The following MAP3K2 variants were observed in gnomAD, a reference collection of about 807,000 sequenced individuals.
MAP3K2 encodes the protein mitogen-activated protein kinase kinase kinase 2, also known as MAP/ERK kinase kinase 2.
MAP3K2 carries 24 observed loss-of-function variants against 80.3 expected under a neutral mutation model. The ratio of observed to expected loss-of-function variants is 0.30; its 90% confidence interval spans 0.22 to 0.42. The LOEUF (loss-of-function observed/expected upper bound fraction) is 0.42, where lower values mean the gene tolerates loss of function less well. Among genes scored for constraint, MAP3K2 ranks in the 10% least tolerant of loss-of-function variants. The probability of loss-of-function intolerance (pLI) is 1.00; values close to 1 mark genes in which losing one functional copy is unlikely to be tolerated. For missense variants in MAP3K2, 608 were observed against 750.1 expected, an observed-to-expected ratio of 0.81 and a Z score of 2.21; for synonymous variants, 244 against 253.7, an observed-to-expected ratio of 0.96 and a Z score of 0.36.
chr2:127,388,232 C>A (rs112721080), upstream of MAP3K2: 15 of 864,496 alleles, frequency 1.7e-5, no homozygotes, highest in African/African-American at 3.6e-4. Flanking sequence ...GTTCCGTGTG[C>A]GCGGCGCATA....
intron 4 of MAP3K2, among the ~76,000 whole-genome samples, chr2:127,337,283 GC>G (rs1686392675): frequency 6.6e-6 from 1 of 152,110 alleles, no homozygotes; most frequent in Admixed American, 6.5e-5. Context: ...ATAATTTGCA[GC>G]CACTAGTCCA....
chr2:127,351,948 C>T (rs541661641), intron 1 of MAP3K2, among the ~76,000 whole-genome samples: 1 of 152,032 alleles, frequency 6.6e-6, no homozygotes, highest in African/African-American at 2.4e-5. Context: ...ACAATCATGG[C>T]TCGCTGCAGC....
intron 1 of MAP3K2, among the ~76,000 whole-genome samples, chr2:127,383,999 G>A (rs925011242): frequency 4.0e-5 from 6 of 150,654 alleles, no homozygotes; most frequent in Non-Finnish European, 5.9e-5. Flanking sequence ...TCAGCCTCCC[G>A]AGTAGCTGGG....
rs577801926 is a variant in MAP3K2, at chr2:127,387,909, G to A, written c.-523C>T. ...CCCGAACGCTGCGCCCAGCGGCCGC[G>A]GCACCCTCGTCAGGCGCCGCCGCTG... On this transcript the variant is annotated 5_prime_UTR_variant, in exon 1 of 17. Transcript: ENST00000682094. 18 of 982,136 alleles carry A rather than the reference G, an allele frequency of 1.8e-5. 1 individual carries two copies. The African/African-American group carries it at 2.8e-4, about 15-fold the overall frequency. The allele number at this position is 982,136 out of a possible 1,614,324, so 60.8% of individuals were successfully genotyped here. A position where few individuals can be genotyped will look rare whatever the true frequency, so the allele number is the denominator to read the frequency against.
chr2:127,374,293 C>G (rs1446278722), intron 1 of MAP3K2, among the ~76,000 whole-genome samples: 1 of 152,164 alleles, frequency 6.6e-6, no homozygotes, highest in Non-Finnish European at 1.5e-5. Flanking sequence ...TCTCCGACTT[C>G]AGCAACTGCT....
At chr2:127,345,206 T>C (rs1312945187) in intron 1 of MAP3K2, among the ~76,000 whole-genome samples, 1 of 152,104 alleles carries the variant, frequency 6.6e-6, no homozygotes, top group East Asian at 1.9e-4. Flanking sequence ...AAAGATATAC[T>C]ATGCAAACAG....
chr2:127,323,038 G>A (rs1239140010), intron 11 of MAP3K2, among the ~76,000 whole-genome samples: 1 of 151,460 alleles, frequency 6.6e-6, no homozygotes, highest in African/African-American at 2.4e-5. Flanking sequence ...GGCCAAGGCA[G>A]GCAGATCACT....
intron 1 of MAP3K2, among the ~76,000 whole-genome samples, chr2:127,355,260 A>T (rs1686776806): frequency 1.3e-5 from 2 of 152,180 alleles, no homozygotes; most frequent in South Asian, 4.1e-4. Flanking sequence ...CAAACTGCTT[A>T]AAAAACACAT....
intron 3 of MAP3K2, among the ~76,000 whole-genome samples, chr2:127,338,017 G>A (rs1686406011): frequency 6.6e-6 from 1 of 152,164 alleles, no homozygotes; most frequent in Non-Finnish European, 1.5e-5. Flanking sequence ...ATCTATTAGT[G>A]AAGGTACCAG....
At chr2:127,350,263 T>C (rs1482561673) in intron 1 of MAP3K2, among the ~76,000 whole-genome samples, 1 of 151,714 alleles carries the variant, frequency 6.6e-6, no homozygotes, top group Non-Finnish European at 1.5e-5. Flanking sequence ...TGGGACAATT[T>C]GAGCATCAAA....
intron 14 of MAP3K2, among the ~76,000 whole-genome samples, chr2:127,315,882 C>T (rs887049564): frequency 6.6e-5 from 10 of 150,648 alleles, no homozygotes; most frequent in South Asian, 2.1e-4. Flanking sequence ...GTCAGGAGTT[C>T]GAGACCAGCC....
At chr2:127,367,092 A>G (rs148518157) in intron 1 of MAP3K2, among the ~76,000 whole-genome samples, 1 of 151,824 alleles carries the variant, frequency 6.6e-6, no homozygotes, top group Non-Finnish European at 1.5e-5. Context: ...TAACTAACCT[A>G]CCCTTTCTCA....
At chr2:127,377,541 T>C (rs1353354402) in intron 1 of MAP3K2, among the ~76,000 whole-genome samples, 4 of 152,200 alleles carry the variant, frequency 2.6e-5, no homozygotes, top group Admixed American at 2.6e-4. Context: ...GTGGGAATGT[T>C]AGGAACCTTT....
chr2:127,359,962 G>A (rs995812604), intron 1 of MAP3K2, among the ~76,000 whole-genome samples: 4 of 152,084 alleles, frequency 2.6e-5, no homozygotes, highest in Non-Finnish European at 4.4e-5. Context: ...TTATAGCAGT[G>A]CAAGAATGGA....
chr2:127,367,122 A>G (rs1686987105), intron 1 of MAP3K2, among the ~76,000 whole-genome samples: 1 of 152,186 alleles, frequency 6.6e-6, no homozygotes, highest in Non-Finnish European at 1.5e-5. Flanking sequence ...GCAAGATTAT[A>G]TATGAAGAGA....
chr2:127,354,238 A>AC (rs1558985721), intron 1 of MAP3K2, among the ~76,000 whole-genome samples: 4 of 110,994 alleles, frequency 3.6e-5, no homozygotes, highest in South Asian at 5.9e-4. Context: ...AGAATGATCA[A>AC]TAAAAAAAAA....
At chr2:127,330,358 T>C (rs1040494276) in intron 6 of MAP3K2, 34 bp downstream of exon 6, 3 of 1,077,786 alleles carry the variant, frequency 2.8e-6, no homozygotes, top group East Asian at 2.5e-5. Flanking sequence ...CTAAGTCCTA[T>C]AATTCTTACT....
rs1685554508 is a variant in MAP3K2, at chr2:127,299,711, T to C, written c.*7868A>G. 6.6e-6 allele frequency: 1 copy of C among 152,182 alleles called. No homozygotes were observed. Among genetic ancestry groups the C allele is most frequent in the African/African-American group, 2.4e-5 (1 of 41,454 alleles). The allele number at this position is 152,182 out of a possible 1,614,324, so 9.4% of individuals were successfully genotyped here. On this transcript the variant is annotated 3_prime_UTR_variant, in exon 17 of 17. Transcript: ENST00000682094. ...TTTTAATTGAGCTCTAAGTATGACT[T>C]GCATTCAATTCTGAAAATACAAATA...
chr2:127,354,015 G>A (rs1180612286), intron 1 of MAP3K2, among the ~76,000 whole-genome samples: 22 of 151,972 alleles, frequency 1.4e-4, no homozygotes, highest in Non-Finnish European at 1.0e-4. Context: ...GGTACAAGAT[G>A]TGCTTTGTTA....
Sources: gnomAD v4.1 joint callset for allele counts (sites outside exome capture counted in the v4.1 genomes callset) on GRCh38, gnomAD v4.1.1 for gene constraint, MANE v1.5 for transcripts, NCBI Gene and HGNC (gene_info 2026-07-23, HGNC 2026-07-21) for gene names.